The following EPB41L3 variants were observed in gnomAD, a reference collection of about 807,000 sequenced individuals.
EPB41L3 encodes band 4.1-like protein 3.
EPB41L3 carries 57 observed loss-of-function variants against 127.1 expected under a neutral mutation model. That is an observed-to-expected ratio of 0.45 (90% CI 0.36 to 0.56). EPB41L3 has a LOEUF of 0.56. EPB41L3 is among the 20% of genes least tolerant of loss of function. The probability of loss-of-function intolerance (pLI) is 0.00; values close to 1 mark genes in which losing one functional copy is unlikely to be tolerated. For synonymous variants in EPB41L3, 572 were observed against 549.5 expected, an observed-to-expected ratio of 1.04 and a Z score of -0.57; for missense variants, 1,273 against 1,372.2, an observed-to-expected ratio of 0.93 and a Z score of 1.14.
chr18:5,426,925 G>C (rs2078263602), intron 9 of EPB41L3, among the ~76,000 whole-genome samples: 3 of 152,108 alleles, frequency 2.0e-5, no homozygotes, highest in Admixed American at 2.0e-4. Flanking sequence ...TACATGAAAA[G>C]CTTACAGATT....
intron 3 of EPB41L3, among the ~76,000 whole-genome samples, chr18:5,592,703 C>A (rs1346950763): frequency 6.6e-6 from 1 of 152,178 alleles, no homozygotes; most frequent in East Asian, 1.9e-4. Flanking sequence ...AGACAGAAGT[C>A]TGGACAGCTC....
chr18:5,561,047 G>T (rs545710700), intron 3 of EPB41L3, among the ~76,000 whole-genome samples: 3 of 139,028 alleles, frequency 2.2e-5, no homozygotes, highest in Non-Finnish European at 4.8e-5. Context: ...GCGCGATCGC[G>T]GCTCACTGCA....
intron 1 of EPB41L3, among the ~76,000 whole-genome samples, chr18:5,491,456 G>C (rs943969982): frequency 6.6e-6 from 1 of 152,298 alleles, no homozygotes; most frequent in South Asian, 2.1e-4. Context: ...ACCTGCTTTT[G>C]TCTTAAATCC....
exon 3 of EPB41L3, chr18:5,612,389 G>C (rs2094737215): frequency 6.6e-6 from 1 of 152,248 alleles, no homozygotes; most frequent in South Asian, 2.1e-4. Context: ...CAGCCTCAGG[G>C]GATCTGTCCT....
At chr18:5,395,017 G>A (rs1394633413) in intron 21 of EPB41L3, 50 bp downstream of exon 21, 2 of 1,566,998 alleles carry the variant, frequency 1.3e-6, no homozygotes, top group South Asian at 2.2e-5. Context: ...AGGACCAACA[G>A]GTTTTTCTTT....
At chr18:5,586,403 GT>G (rs10582883) in intron 3 of EPB41L3, among the ~76,000 whole-genome samples, 102,845 of 135,484 alleles carry the variant, frequency 0.76, 38,612 homozygotes, top group Middle Eastern at 0.82. Flanking sequence ...TTTCTTTTTT[GT>G]TTTTTTTTTT....
chr18:5,530,577 C>T (rs927816019), intron 1 of EPB41L3, among the ~76,000 whole-genome samples: 1 of 152,122 alleles, frequency 6.6e-6, no homozygotes, highest in East Asian at 1.9e-4. Flanking sequence ...GCCCATCTTA[C>T]TCGTCAGCCA....
intron 2 of EPB41L3, among the ~76,000 whole-genome samples, chr18:5,478,815 C>A (rs1395844414): frequency 6.6e-6 from 1 of 152,144 alleles, no homozygotes; most frequent in African/African-American, 2.4e-5. Flanking sequence ...TCTTAATTCA[C>A]CAGATCCTTC....
At chr18:5,407,603 G>C (rs768986648) in intron 15 of EPB41L3, 98 bp downstream of exon 15, 61 of 1,281,190 alleles carry the variant, frequency 4.8e-5, no homozygotes, top group Non-Finnish European at 6.2e-5. Context: ...ACCAGCTACA[G>C]AGCATGCTGA....
rs1013412227 is a variant in EPB41L3 at position 5,396,181 on chromosome 18, G to A, written c.2973+20C>T. ...GGTGAAATAAGCAGCCAGGGCTCTG[G>A]TCTTCACAGAATATCTCACCTGTGA... On this transcript the variant is annotated intron_variant, in intron 19 of 22. Transcript: ENST00000341928. The A allele has an allele frequency of 8.7e-6, 14 of 1,613,852 alleles. No homozygotes were observed. The highest frequency in any genetic ancestry group is 1.2e-5 in the Non-Finnish European group (14 of 1,179,860).
rs1278700547 is a variant in EPB41L3 at position 5,416,215 on chromosome 18, T to A, written c.1670A>T (p.Asp557Val). Residue 557 changes from aspartate (D) to valine (V), a missense_variant, in exon 13 of 23, where the codon GAC becomes GTC. This residue lies in a region of EPB41L3 where 765 missense variants were observed against 782.9 expected (regional missense o/e 0.98). Transcript: ENST00000341928. ...GTAAGGCCTCCCTGGGCCATCAGAG[T>A]CCAAGGCGGGCTCTCCAGGCAGGTG... ...AEHLPGEPAL[D>V]SDGPGRPYLG... is the part of the protein sequence containing the mutation. The A allele has an allele frequency of 6.2e-7, 1 of 1,613,914 alleles. No individual in the cohort carries two copies. Among genetic ancestry groups the A allele is most frequent in the East Asian group, 2.2e-5 (1 of 44,846 alleles).
At chr18:5,591,955 C>A (rs191082288) in intron 3 of EPB41L3, among the ~76,000 whole-genome samples, 1 of 152,160 alleles carries the variant, frequency 6.6e-6, no homozygotes, top group Admixed American at 6.5e-5. Context: ...TTCTAGATTT[C>A]TTTCCTATAA....
chr18:5,588,987 T>A (rs1365581974), intron 3 of EPB41L3, among the ~76,000 whole-genome samples: 1 of 152,116 alleles, frequency 6.6e-6, no homozygotes, highest in East Asian at 1.9e-4. Context: ...GATGAGAAAG[T>A]GTATTTAATT....
At chr18:5,623,294 A>G (rs1041174764) in intron 1 of EPB41L3, among the ~76,000 whole-genome samples, 2 of 152,238 alleles carry the variant, frequency 1.3e-5, no homozygotes, top group African/African-American at 4.8e-5. Context: ...CATACAACAT[A>G]GATACAGCAG....
intron 3 of EPB41L3, among the ~76,000 whole-genome samples, chr18:5,566,773 T>TTCCATTCCATTCC (rs1568583953): frequency 1.6e-5 from 2 of 127,670 alleles, no homozygotes. Flanking sequence ...TATTCTATTC[T>TTCCATTCCATTCC]ATTCTATTCT....
At chr18:5,407,278 T>C (rs1457868443) in intron 15 of EPB41L3, 1 of 407,016 alleles carries the variant, frequency 2.5e-6, no homozygotes, top group Non-Finnish European at 4.4e-6. Context: ...GGAAAAGGGA[T>C]CTATATCTAG....
rs1598381846 is a variant in EPB41L3, at chr18:5,393,193, C to A, written c.*292G>T. Reference sequence around the variant, plus strand: ...GTTTATATTGTTGGTTATGAACGTGCAGGTATAGCTGAAAACTGAGACATT... The same window carrying A: ...GTTTATATTGTTGGTTATGAACGTGAAGGTATAGCTGAAAACTGAGACATT... On this transcript the variant is annotated 3_prime_UTR_variant, in exon 23 of 23. Transcript: ENST00000341928. The A allele has an allele frequency of 2.7e-6, 1 of 367,050 alleles. No homozygotes were observed. Among genetic ancestry groups the A allele is most frequent in the East Asian group, 4.2e-5 (1 of 23,858 alleles). 22.7% of individuals were successfully genotyped at this position (367,050 alleles called of 1,614,324 possible).
rs777044444 is a variant in EPB41L3 at position 5,416,139 on chromosome 18, C to A, written c.1746G>T (p.Gly582=). The part of the protein sequence containing the change: ...AFSYRQQTGK[G]TTLFSFSLQL... ...GCAAGGAGAAGGAGAACAGGGTGGT[C>A]CCCTTGCCAGTTTGCTGTCTGTAGC... The change falls in exon 13 of 23, where the codon GGG becomes GGT. Residue 582 remains glycine, a synonymous_variant. Transcript: ENST00000341928. 1.4e-5 allele frequency: 23 copies of A among 1,613,604 alleles called. No individual in the cohort carries two copies. Among genetic ancestry groups the A allele is most frequent in the Non-Finnish European group, 1.9e-5 (22 of 1,179,816 alleles).
At chr18:5,455,866 C>T (rs1209862311) in intron 3 of EPB41L3, among the ~76,000 whole-genome samples, 7 of 150,472 alleles carry the variant, frequency 4.7e-5, no homozygotes, top group African/African-American at 7.3e-5. Context: ...ACTAAGCCAA[C>T]GCATGCAAAA....
Sources: allele counts gnomAD v4.1 joint callset (sites outside exome capture counted in the v4.1 genomes callset), GRCh38; gene constraint gnomAD v4.1.1; regional missense constraint gnomAD v4.1.1; transcripts MANE v1.5; gene names NCBI Gene and HGNC (gene_info 2026-07-23, HGNC 2026-07-21).